TTC3: variants seen among roughly 807,000 people sequenced by gnomAD.
TTC3 encodes the protein tetratricopeptide repeat domain 3, also known as E3 ubiquitin-protein ligase TTC3.
A neutral mutation model predicts 249.6 loss-of-function variants in TTC3; 180 were observed. The ratio of observed to expected loss-of-function variants is 0.72; its 90% confidence interval spans 0.64 to 0.82. The LOEUF (loss-of-function observed/expected upper bound fraction) is 0.82. TTC3 is among the 40% of genes least tolerant of loss of function. The pLI is 0.00. For synonymous variants in TTC3, 717 were observed against 805.0 expected (o/e 0.89, Z 1.85); for missense variants, 2,061 against 2,398.4 (o/e 0.86, Z 2.94).
chr21:37,156,988 T>C (rs1291872095), intron 28 of TTC3, 82 bp downstream of exon 28: 1 of 1,492,868 alleles, frequency 6.7e-7, no homozygotes. Flanking sequence ...TGTTTAAATA[T>C]ATAACAAAGA....
chr21:37,147,795 C>T (rs1418600865), intron 22 of TTC3, among the ~76,000 whole-genome samples, 192 bp downstream of exon 22: 1 of 151,162 alleles, frequency 6.6e-6, no homozygotes, highest in African/African-American at 2.4e-5. Context: ...GTGGCACGAT[C>T]TTGGCTCACT....
intron 11 of TTC3, among the ~76,000 whole-genome samples, chr21:37,118,734 T>C (rs2076358879): frequency 6.6e-6 from 1 of 152,166 alleles, no homozygotes; most frequent in Admixed American, 6.5e-5. Context: ...CAGCTTCATG[T>C]TTAGTCTTTT....
At position 37,175,234 on chromosome 21, in the gene TTC3, C is replaced by T. The variant is rs181051322; in HGVS notation, c.4617+2490C>T. Among the ~76,000 whole-genome samples, 335 of 140,424 alleles carry T rather than the reference C, an allele frequency of 2.4e-3. 2 individuals are homozygous for T. The highest frequency in any genetic ancestry group is 5.7e-3 in the Admixed American group (79 of 13,772). 92.1% of individuals were successfully genotyped at this position (140,424 alleles called of 152,430 possible). A position where few individuals can be genotyped will look rare whatever the true frequency, so the allele number is the denominator to read the frequency against. Reference sequence around the variant, plus strand: ...AGCCGAGATCACGCCACTGCACTCCCGCCTGGACAACAGAGCGAGACTGTG... The same window carrying T: ...AGCCGAGATCACGCCACTGCACTCCTGCCTGGACAACAGAGCGAGACTGTG... On this transcript the variant is annotated intron_variant, in intron 35 of 45. Coordinates refer to ENST00000355666, the Ensembl canonical transcript of TTC3.
intron 11 of TTC3, among the ~76,000 whole-genome samples, chr21:37,109,556 C>G (rs754282637): frequency 5.9e-5 from 9 of 152,266 alleles, no homozygotes; most frequent in Non-Finnish European, 1.2e-4. Flanking sequence ...GTAAACAAAG[C>G]AGCCCAGAAG....
chr21:37,156,976 C>G, intron 28 of TTC3, 70 bp downstream of exon 28: 1 of 1,531,180 alleles, frequency 6.5e-7, no homozygotes, highest in Non-Finnish European at 8.8e-7. Flanking sequence ...AAGGACCTAG[C>G]TTGTTTAAAT....
At chr21:37,198,690 T>C (rs749955646) in intron 44 of TTC3, among the ~76,000 whole-genome samples, 2 of 152,178 alleles carry the variant, frequency 1.3e-5, no homozygotes, top group Non-Finnish European at 2.9e-5. Context: ...AAAATACAAA[T>C]AAAAAGGGCA....
intron 1 of TTC3, chr21:37,084,304 C>T (rs2072102205): frequency 6.6e-6 from 1 of 152,186 alleles, no homozygotes; most frequent in Admixed American, 6.5e-5. Context: ...ATGAAGAGTT[C>T]TGAGGAGGAA....
chr21:37,151,998 A>G, exon 26 of TTC3: 1 of 1,597,302 alleles, frequency 6.3e-7, no homozygotes, highest in Admixed American at 1.8e-5. Context: ...ACTTAAGAGA[A>G]AGTAATCCAC....
chr21:37,130,555 G>A (rs1344428123), intron 16 of TTC3, among the ~76,000 whole-genome samples: 2 of 152,034 alleles, frequency 1.3e-5, no homozygotes, highest in Non-Finnish European at 2.9e-5. Flanking sequence ...TACTTTAGTC[G>A]TCATTACTGT....
At chr21:37,102,511 G>T (rs757648964) in intron 10 of TTC3, among the ~76,000 whole-genome samples, 1 of 152,180 alleles carries the variant, frequency 6.6e-6, no homozygotes, top group Non-Finnish European at 1.5e-5. Flanking sequence ...TGCAATTGGA[G>T]AACAGGCCTT....
intron 17 of TTC3, among the ~76,000 whole-genome samples, chr21:37,134,183 G>T (rs2077716444): frequency 1.3e-5 from 2 of 152,094 alleles, no homozygotes; most frequent in African/African-American, 4.8e-5. Context: ...CGGGTGCAGG[G>T]TCTCACACCT....
At chr21:37,137,043 C>A (rs182932815) in intron 18 of TTC3, among the ~76,000 whole-genome samples, 133 of 152,274 alleles carry the variant, frequency 8.7e-4, no homozygotes, top group African/African-American at 2.9e-3. Flanking sequence ...ACTTTAAGCC[C>A]ACTGTTGAGA....
chr21:37,116,989 C>T (rs1245310378), intron 11 of TTC3, among the ~76,000 whole-genome samples: 1 of 152,104 alleles, frequency 6.6e-6, no homozygotes, highest in Admixed American at 6.5e-5. Flanking sequence ...TCCATTACTG[C>T]TCTGCGGATA....
chr21:37,112,878 C>T (rs9680292), intron 11 of TTC3, among the ~76,000 whole-genome samples: 69,237 of 151,936 alleles, frequency 0.46, 16,303 homozygotes, highest in Non-Finnish European at 0.52. Flanking sequence ...GATGCAAGGC[C>T]GGTTCAACAT....
chr21:37,129,236 A>G (rs2077279337), intron 16 of TTC3, among the ~76,000 whole-genome samples, 173 bp downstream of exon 16: 8 of 152,218 alleles, frequency 5.3e-5, no homozygotes, highest in Admixed American at 4.6e-4. Context: ...TTTTTGGCTA[A>G]AGGATTATTA....
intron 14 of TTC3, among the ~76,000 whole-genome samples, chr21:37,125,827 A>G (rs375831336): frequency 6.6e-6 from 1 of 152,112 alleles, no homozygotes; most frequent in Non-Finnish European, 1.5e-5. Context: ...AACAATTGTC[A>G]TGTCAGACAT....
chr21:37,089,292 C>T (rs2072930322), intron 5 of TTC3, among the ~76,000 whole-genome samples: 2 of 152,108 alleles, frequency 1.3e-5, no homozygotes, highest in African/African-American at 2.4e-5. Flanking sequence ...AGGTGTCCTT[C>T]ATTATGCTAT....
intron 28 of TTC3, 31 bp from the exon 29 acceptor site, chr21:37,159,668 T>G: frequency 6.2e-7 from 1 of 1,608,504 alleles, no homozygotes; most frequent in Non-Finnish European, 8.5e-7. Flanking sequence ...ATATTTAGTT[T>G]TCTCACAAAA....
intron 15 of TTC3, among the ~76,000 whole-genome samples, chr21:37,126,584 C>G (rs2077058901): frequency 6.6e-6 from 1 of 152,196 alleles, no homozygotes; most frequent in African/African-American, 2.4e-5. Context: ...TTGATTTTGT[C>G]TCCCAATAAC....
Sources: gnomAD v4.1 joint callset for allele counts (sites outside exome capture counted in the v4.1 genomes callset) on GRCh38, gnomAD v4.1.1 for gene constraint, MANE v1.5 for transcripts, NCBI Gene and HGNC (gene_info 2026-07-23, HGNC 2026-07-21) for gene names.